The following CFAP300 variants were observed in gnomAD, a reference collection of about 807,000 sequenced individuals.
The protein encoded by CFAP300 is cilia- and flagella-associated protein 300.
CFAP300 carries 32 observed loss-of-function variants against 33.0 expected under a neutral mutation model. The ratio of observed to expected loss-of-function variants is 0.97; its 90% confidence interval spans 0.73 to 1.30. CFAP300 has a LOEUF of 1.30. CFAP300 is among the 50% of genes most tolerant of loss of function. The pLI is 0.00. For synonymous variants in CFAP300, 102 were observed against 106.8 expected, an observed-to-expected ratio of 0.95 and a Z score of 0.28; for missense variants, 356 against 318.1, an observed-to-expected ratio of 1.12 and a Z score of -0.90.
intron 5 of CFAP300, 84 bp downstream of exon 5, chr11:102,076,129 A>G (rs1014240853): frequency 7.0e-6 from 10 of 1,421,332 alleles, no homozygotes; most frequent in Non-Finnish European, 9.3e-6. Context: ...ACACAACATC[A>G]TTCAGTGGTT....
At chr11:102,075,415 C>T (rs1055407677) in intron 4 of CFAP300, among the ~76,000 whole-genome samples, 3 of 152,050 alleles carry the variant, frequency 2.0e-5, no homozygotes, top group Non-Finnish European at 4.4e-5. Flanking sequence ...AAAAGGAGTA[C>T]TTGTGGGAGT....
rs781762004 is a variant in CFAP300 at position 102,076,052 on chromosome 11, T to G, written c.608+7T>G. 2.5e-6 allele frequency: 4 copies of G among 1,598,666 alleles called. No individual in the cohort carries two copies. Among genetic ancestry groups the G allele is most frequent in the Non-Finnish European group, 3.4e-6 (4 of 1,175,064 alleles). On this transcript the variant is annotated splice_region_variant and intron_variant, in intron 5 of 6. Transcript: ENST00000434758. ...TCTATAAGGATCTGGTGAGGTAATG[T>G]TGCTAGATCACAATATGTAAATCTC... is the stretch of plus-strand genomic sequence containing the variant.
intron 4 of CFAP300, among the ~76,000 whole-genome samples, chr11:102,074,988 C>A (rs943417523): frequency 1.3e-5 from 2 of 151,916 alleles, no homozygotes; most frequent in African/African-American, 4.8e-5. Context: ...ATTATAGGCA[C>A]AAACCACCAT....
intron 4 of CFAP300, among the ~76,000 whole-genome samples, chr11:102,075,204 G>A (rs1376042719): frequency 2.6e-5 from 4 of 152,114 alleles, no homozygotes; most frequent in Non-Finnish European, 4.4e-5. Context: ...CACTACAATC[G>A]ATAAATGAAT....
chr11:102,049,525 C>T (rs1253325972), intron 2 of CFAP300, among the ~76,000 whole-genome samples: 2 of 152,128 alleles, frequency 1.3e-5, no homozygotes, highest in African/African-American at 4.8e-5. Flanking sequence ...GTCTACCTCC[C>T]TTTCCCTAAG....
At chr11:102,063,070 G>A (rs971025645) in intron 3 of CFAP300, among the ~76,000 whole-genome samples, 1 of 152,224 alleles carries the variant, frequency 6.6e-6, no homozygotes, top group African/African-American at 2.4e-5. Flanking sequence ...AGGCCAGATG[G>A]CCTCCAACCA....
At chr11:102,069,518 C>T (rs956853551) in intron 4 of CFAP300, among the ~76,000 whole-genome samples, 2 of 152,040 alleles carry the variant, frequency 1.3e-5, no homozygotes, top group Admixed American at 6.6e-5. Flanking sequence ...AATTACACAG[C>T]CTAGCCGGGC....
chr11:102,062,128 G>C (rs781400869), intron 3 of CFAP300, among the ~76,000 whole-genome samples: 1 of 152,178 alleles, frequency 6.6e-6, no homozygotes, highest in Non-Finnish European at 1.5e-5. Flanking sequence ...AAGCACTAGA[G>C]CCATCTAAGT....
rs1233690896 is a variant in CFAP300, at chr11:102,061,973, C to CA, written c.268+3019dup. On this transcript the variant is annotated intron_variant, in intron 3 of 6. Coordinates refer to ENST00000434758, the MANE Select transcript of CFAP300 (RefSeq NM_032930.3). ...TGTGTTATGGAGTGAGTTGTGTCCC[C>CA]ACCCCTAAATTCATATGTTTAACCC... 2.6e-5 allele frequency among the ~76,000 whole-genome samples: 4 copies of CA among 152,130 alleles called. No homozygotes were observed. In the East Asian group the frequency reaches 7.7e-4, roughly 29 times the overall value.
In CFAP300 at chr11:102,083,208, C is replaced by T. The variant is rs764253113; in HGVS notation, c.*9C>T. On this transcript the variant is annotated 3_prime_UTR_variant, in exon 7 of 7. Coordinates refer to ENST00000434758, the MANE Select transcript of CFAP300 (RefSeq NM_032930.3). The stretch of plus-strand genomic sequence containing the variant: ...TGGGAGACATGTCTTAATGTTCTTT[C>T]AGATTATGTACCTCTACTATTTTGT... 3.4e-5 allele frequency: 50 copies of T among 1,467,594 alleles called. No homozygotes were observed. The Middle Eastern group carries it at 5.4e-4, about 16-fold the overall frequency. The allele number at this position is 1,467,594 out of a possible 1,614,324, so 90.9% of individuals were successfully genotyped here. A position where few individuals can be genotyped will look rare whatever the true frequency, so the allele number is the denominator to read the frequency against.
chr11:102,047,526 A>C lies in CFAP300; in HGVS notation c.56A>C (p.Gln19Pro), dbSNP rs1412457465. The stretch of plus-strand genomic sequence containing the variant: ...GGCTACTACTTCAGGTTCTTGCCTC[A>C]GAAAACCTTCCAGTCTCTGAGCTCT... ...LGGYYFRFLP[Q>P]KTFQSLSSKE... Residue 19 changes from glutamine to proline, a missense_variant, in exon 1 of 7, where the codon CAG (glutamine) becomes CCG (proline). By Grantham distance (76) the Gln-to-Pro change is moderately conservative. Coordinates refer to ENST00000434758, the MANE Select transcript of CFAP300 (RefSeq NM_032930.3). 1 of 1,536,020 alleles carries C rather than the reference A, an allele frequency of 6.5e-7. No homozygotes were observed. The highest frequency in any genetic ancestry group is 8.7e-7 in the Non-Finnish European group (1 of 1,146,806).
intron 2 of CFAP300, among the ~76,000 whole-genome samples, chr11:102,052,464 CTT>C (rs1276019652): frequency 3.3e-5 from 5 of 152,014 alleles, no homozygotes; most frequent in African/African-American, 4.8e-5. Flanking sequence ...CTAGAAATAA[CTT>C]TGGGGAAAAT....
chr11:102,078,095 A>G (rs1169986273), intron 5 of CFAP300, among the ~76,000 whole-genome samples: 1 of 150,444 alleles, frequency 6.6e-6, no homozygotes, highest in East Asian at 2.0e-4. Flanking sequence ...GTTTCACCAT[A>G]TTACCCAGGC....
intron 2 of CFAP300, among the ~76,000 whole-genome samples, chr11:102,050,840 G>A (rs1346197139): frequency 6.6e-6 from 1 of 152,130 alleles, no homozygotes; most frequent in Non-Finnish European, 1.5e-5. Context: ...AAAGAAATTT[G>A]GACTTTATCT....
intron 3 of CFAP300, among the ~76,000 whole-genome samples, chr11:102,065,117 G>A (rs1230762078): frequency 6.6e-6 from 1 of 151,986 alleles, no homozygotes; most frequent in African/African-American, 2.4e-5. Context: ...TTGTTTGTTT[G>A]TTTGTTTGAG....
chr11:102,073,727 A>C (rs1268489107), intron 4 of CFAP300, among the ~76,000 whole-genome samples: 1 of 152,012 alleles, frequency 6.6e-6, no homozygotes, highest in Non-Finnish European at 1.5e-5. Context: ...AGCCCCCAGC[A>C]ACAGTGGCCA....
At chr11:102,055,124 G>T (rs1020371027) in intron 2 of CFAP300, among the ~76,000 whole-genome samples, 1 of 151,484 alleles carries the variant, frequency 6.6e-6, no homozygotes, top group Non-Finnish European at 1.5e-5. Flanking sequence ...GGGATTACAG[G>T]CACGTGCCAC....
At chr11:102,050,715 G>A (rs1333740546) in intron 2 of CFAP300, among the ~76,000 whole-genome samples, 7 of 152,122 alleles carry the variant, frequency 4.6e-5, no homozygotes, top group African/African-American at 1.7e-4. Flanking sequence ...TAAAAGACAG[G>A]ACTCTTAAGG....
At chr11:102,073,804 T>G (rs1942353576) in intron 4 of CFAP300, among the ~76,000 whole-genome samples, 1 of 152,112 alleles carries the variant, frequency 6.6e-6, no homozygotes, top group African/African-American at 2.4e-5. Context: ...GTAGTGGCCC[T>G]GCTACCAAGG....
Sources: allele counts gnomAD v4.1 joint callset (sites outside exome capture counted in the v4.1 genomes callset), GRCh38; gene constraint gnomAD v4.1.1; transcripts MANE v1.5; gene names NCBI Gene and HGNC (gene_info 2026-07-23, HGNC 2026-07-21).